PCDH7: variants seen among roughly 807,000 people sequenced by gnomAD.
The protein encoded by PCDH7 is protocadherin 7.
PCDH7 carries 17 observed loss-of-function variants against 58.9 expected under a neutral mutation model. That is an observed-to-expected ratio of 0.29 (90% CI 0.20 to 0.43). The LOEUF (loss-of-function observed/expected upper bound fraction) is 0.43. Among genes scored for constraint, PCDH7 ranks in the 20% least tolerant of loss-of-function variants. The pLI is 1.00. For missense variants in PCDH7, 1,274 were observed against 1,441.0 expected (o/e 0.88, Z 1.88); for synonymous variants, 664 against 616.4 (o/e 1.08, Z -1.14).
chr4:30,859,564 C>A (rs776491715), intron 1 of PCDH7, among the ~76,000 whole-genome samples: 1 of 151,828 alleles, frequency 6.6e-6, no homozygotes, highest in African/African-American at 2.4e-5. Context: ...CTCAGCCTCC[C>A]GAGTAGCTGG....
At chr4:30,883,791 A>G (rs1026157389) in intron 1 of PCDH7, among the ~76,000 whole-genome samples, 2 of 152,290 alleles carry the variant, frequency 1.3e-5, no homozygotes, top group South Asian at 2.1e-4. Flanking sequence ...TCAGGGAGGT[A>G]TCATTTCAGG....
At chr4:31,049,315 G>T (rs761259645) in intron 3 of PCDH7, among the ~76,000 whole-genome samples, 11 of 152,028 alleles carry the variant, frequency 7.2e-5, no homozygotes, top group Admixed American at 2.0e-4. Flanking sequence ...TAGAGTAATT[G>T]TGAGTGTTAT....
chr4:30,779,313 C>G lies in PCDH7; in HGVS notation c.70+54717C>G, dbSNP rs372365240. ...GTGCTGGGATTACAGGCATGAGCCA[C>G]TAGGCCCAGCCCCTGGTCTCATTTC... On this transcript the variant is annotated intron_variant, in intron 1 of 3. Coordinates refer to the PCDH7 transcript ENST00000509759. Among the ~76,000 whole-genome samples the G allele has an allele frequency of 1.5e-3, 221 of 152,250 alleles. 8 individuals carry two copies. The South Asian group carries it at 0.045, about 31-fold the overall frequency.
rs922965232 is a variant in PCDH7, at chr4:30,865,877, C to A, written c.71-54276C>A. Among the ~76,000 whole-genome samples, 6 of 151,998 alleles carry A rather than the reference C, an allele frequency of 3.9e-5. No individual in the cohort carries two copies. In the South Asian group the frequency reaches 1.2e-3, roughly 31 times the overall value. ...CTTGAATCACATTTGGCACGGAAAT[C>A]CTCAAATGCTGGAAGGAAGATGCCT... On this transcript the variant is annotated intron_variant, in intron 1 of 3. Coordinates refer to the PCDH7 transcript ENST00000509759.
intron 3 of PCDH7, among the ~76,000 whole-genome samples, chr4:31,027,701 G>A (rs1419871272): frequency 6.6e-6 from 1 of 152,084 alleles, no homozygotes; most frequent in Non-Finnish European, 1.5e-5. Context: ...GATTACAGGC[G>A]TGAGCTACTG....
chr4:30,852,921 G>A (rs187558609), intron 1 of PCDH7, among the ~76,000 whole-genome samples: 1 of 151,466 alleles, frequency 6.6e-6, no homozygotes, highest in East Asian at 1.9e-4. Flanking sequence ...TGTGCTCCCA[G>A]TGTTTATCGG....
At chr4:30,759,469 C>G (rs1369992610) in intron 1 of PCDH7, among the ~76,000 whole-genome samples, 1 of 152,026 alleles carries the variant, frequency 6.6e-6, no homozygotes, top group Non-Finnish European at 1.5e-5. Context: ...CGAAGAAACT[C>G]AATTAAGCAG....
chr4:30,931,160 T>A (rs2109426088), intron 2 of PCDH7, among the ~76,000 whole-genome samples: 1 of 152,270 alleles, frequency 6.6e-6, no homozygotes, highest in African/African-American at 2.4e-5. Context: ...TACCACCCCT[T>A]TTCCCCACTA....
chr4:31,118,997 T>A (rs922334451), intron 3 of PCDH7, among the ~76,000 whole-genome samples: 22 of 152,190 alleles, frequency 1.4e-4, no homozygotes, highest in African/African-American at 4.6e-4. Context: ...ATGTAAAATG[T>A]GCAAGTCTTT....
At chr4:30,735,961 C>A (rs1240925120), downstream of PCDH7, among the ~76,000 whole-genome samples, 4 of 152,188 alleles carry the variant, frequency 2.6e-5, no homozygotes, top group African/African-American at 9.7e-5. Flanking sequence ...CTAACTGCTT[C>A]ATCTCCATTC....
At chr4:30,770,697 A>G (rs933590764) in intron 1 of PCDH7, among the ~76,000 whole-genome samples, 1 of 152,200 alleles carries the variant, frequency 6.6e-6, no homozygotes, top group Non-Finnish European at 1.5e-5. Context: ...TATTAAGTAC[A>G]TAGGAATGAA....
At chr4:30,758,637 A>G (rs559733297) in intron 1 of PCDH7, among the ~76,000 whole-genome samples, 1 of 152,274 alleles carries the variant, frequency 6.6e-6, no homozygotes, top group African/African-American at 2.4e-5. Flanking sequence ...GTGAGCACTA[A>G]AGGGCAGATA....
At chr4:31,104,090 C>G (rs2109303627) in intron 3 of PCDH7, among the ~76,000 whole-genome samples, 1 of 152,352 alleles carries the variant, frequency 6.6e-6, no homozygotes, top group South Asian at 2.1e-4. Context: ...GAGAATTCTT[C>G]ACCTAAACAA....
intron 3 of PCDH7, among the ~76,000 whole-genome samples, chr4:31,057,382 G>A (rs1240693657): frequency 6.6e-6 from 1 of 152,138 alleles, no homozygotes; most frequent in East Asian, 1.9e-4. Context: ...CAACAGTAGT[G>A]ATGCAGAGGT....
At chr4:30,744,524 A>G (rs1717520691) in intron 1 of PCDH7, among the ~76,000 whole-genome samples, 1 of 152,210 alleles carries the variant, frequency 6.6e-6, no homozygotes, top group African/African-American at 2.4e-5. Context: ...AGGAGCTGAC[A>G]GTCTTGTAGG....
chr4:30,841,964 A>T (rs2109339073), intron 1 of PCDH7, among the ~76,000 whole-genome samples: 1 of 151,970 alleles, frequency 6.6e-6, no homozygotes, highest in Non-Finnish European at 1.5e-5. Flanking sequence ...TTAATATTAT[A>T]TATTTTTTTA....
At chr4:31,035,247 CTTTTTTTTTT>C (rs35099580) in intron 3 of PCDH7, among the ~76,000 whole-genome samples, 1 of 99,402 alleles carries the variant, frequency 1.0e-5, no homozygotes, top group African/African-American at 4.1e-5. Flanking sequence ...CCTTTTTTCC[CTTTTTTTTTT>C]TTTTTTTTTT....
At chr4:30,803,026 A>T (rs1725731320) in intron 1 of PCDH7, among the ~76,000 whole-genome samples, 2 of 152,234 alleles carry the variant, frequency 1.3e-5, no homozygotes, top group Admixed American at 1.3e-4. Context: ...GTGTGTTGAA[A>T]ATGGTTTATC....
chr4:31,084,710 G>A (rs1299283265), intron 3 of PCDH7, among the ~76,000 whole-genome samples: 1 of 111,224 alleles, frequency 9.0e-6, no homozygotes, highest in Non-Finnish European at 1.9e-5. Context: ...GGAAAAGGGA[G>A]GAGGGGAGGG....
Sources: gnomAD v4.1 joint callset for allele counts (sites outside exome capture counted in the v4.1 genomes callset) on GRCh38, gnomAD v4.1.1 for gene constraint, MANE v1.5 for transcripts, NCBI Gene and HGNC (gene_info 2026-07-23, HGNC 2026-07-21) for gene names.